FAM171A1: variants seen among roughly 807,000 people sequenced by gnomAD.
The protein encoded by FAM171A1 is protein FAM171A1.
Under a neutral mutation model 74.9 loss-of-function variants are expected in FAM171A1, and 23 were observed. The observed-to-expected ratio is 0.31, with a 90% CI of 0.22 to 0.44. The LOEUF is 0.44. Among genes scored for constraint, FAM171A1 ranks in the 20% least tolerant of loss-of-function variants. The pLI is 1.00. For missense variants in FAM171A1, 1,162 were observed against 1,159.2 expected (o/e 1.00, Z -0.03); for synonymous variants, 527 against 505.7 (o/e 1.04, Z -0.57).
At chr10:15,351,584 G>GATGGATGGATGC (rs1354804874) in intron 1 of FAM171A1, among the ~76,000 whole-genome samples, 5 of 151,132 alleles carry the variant, frequency 3.3e-5, no homozygotes, top group Admixed American at 2.0e-4. Flanking sequence ...TGGATGGATG[G>GATGGATGGATGC]ATGGATGGAT....
intron 4 of FAM171A1, among the ~76,000 whole-genome samples, chr10:15,252,116 G>C (rs1834516573): frequency 6.6e-6 from 1 of 152,184 alleles, no homozygotes; most frequent in Non-Finnish European, 1.5e-5. Context: ...ATTAGTGAAA[G>C]CAATTTTTGT....
Position 15,221,403 on chromosome 10 carries a change from G to C in FAM171A1, c.755-343C>G, listed in dbSNP as rs548203055. Among the ~76,000 whole-genome samples, 19 of 152,306 alleles carry C rather than the reference G, an allele frequency of 1.2e-4. No homozygotes were observed. In the South Asian group the frequency reaches 3.9e-3, roughly 32 times the overall value. On this transcript the variant is annotated intron_variant, in intron 5 of 7. Transcript: ENST00000378116. ...TACAGGCAGCATGATGGGGGCTGGT[G>C]GGAGTGAAAAGAGAGGGGGAAATCC...
In FAM171A1 at chr10:15,213,801, T is replaced by C. The variant is rs763189702; in HGVS notation, c.1787A>G (p.Tyr596Cys). 8.2e-5 allele frequency: 132 copies of C among 1,613,944 alleles called. No individual in the cohort carries two copies. The highest frequency in any genetic ancestry group is 1.0e-4 in the Non-Finnish European group (118 of 1,180,008). The change falls in exon 8 of 8, where the codon TAT becomes TGT. Residue 596 changes from tyrosine to cysteine, a missense_variant. Physicochemically the swap from Tyr to Cys is radical, Grantham distance 194 (BLOSUM62 -2). Transcript: ENST00000378116. This position sits in a 1 kb window ranked among gnomAD's most constrained non-coding sequence, Gnocchi z 6.8. Reference protein sequence around the residue: ...HYMKLPGDHSYVSQPLVVPAD... With the variant: ...HYMKLPGDHSCVSQPLVVPAD... ...CGGGACGACGAGGGGCTGGCTGACA[T>C]AGGAGTGGTCCCCGGGGAGTTTCAT... is the stretch of plus-strand genomic sequence containing the variant.
chr10:15,224,155 A>T (rs1451756834), intron 5 of FAM171A1, among the ~76,000 whole-genome samples: 1 of 152,098 alleles, frequency 6.6e-6, no homozygotes, highest in Non-Finnish European at 1.5e-5. Flanking sequence ...TTTAGTTTTG[A>T]TGAACAGGCA....
At chr10:15,245,856 G>A (rs1431934480) in intron 5 of FAM171A1, among the ~76,000 whole-genome samples, 7 of 152,222 alleles carry the variant, frequency 4.6e-5, no homozygotes, top group African/African-American at 9.6e-5. Flanking sequence ...CCCAAGGTGG[G>A]ACTCACAGTT....
At chr10:15,231,528 C>T (rs905206956) in intron 5 of FAM171A1, among the ~76,000 whole-genome samples, 5 of 151,592 alleles carry the variant, frequency 3.3e-5, no homozygotes, top group African/African-American at 1.2e-4. Flanking sequence ...TAACGAGCTC[C>T]GGGTGATGCA....
rs11259622 is a variant in FAM171A1 at position 15,363,843 on chromosome 10, T to G, written c.97+7113A>C. On this transcript the variant is annotated intron_variant, in intron 1 of 7. Transcript: ENST00000378116. ...GCAAGCAACTCCTCCCTCCCTCTAT[T>G]CCCCAACAGATGCAGTGGCAAGGCT... Among the ~76,000 whole-genome samples the G allele has an allele frequency of 4.0e-3, 612 of 152,238 alleles. 1 individual carries two copies. The highest frequency in any genetic ancestry group is 0.014 in the African/African-American group (584 of 41,530).
chr10:15,307,455 G>C (rs1394647087), intron 1 of FAM171A1, among the ~76,000 whole-genome samples: 1 of 151,898 alleles, frequency 6.6e-6, no homozygotes, highest in Non-Finnish European at 1.5e-5. Flanking sequence ...GACCAGCCTG[G>C]CCAACATGGT....
intron 3 of FAM171A1, among the ~76,000 whole-genome samples, chr10:15,272,944 G>A (rs1013438344): frequency 6.6e-6 from 1 of 152,264 alleles, no homozygotes; most frequent in East Asian, 1.9e-4. Flanking sequence ...AAACAGGAAA[G>A]ATCTAAAATT....
At chr10:15,262,456 G>T (rs1299976918) in intron 3 of FAM171A1, among the ~76,000 whole-genome samples, 1 of 152,206 alleles carries the variant, frequency 6.6e-6, no homozygotes, top group Non-Finnish European at 1.5e-5. Context: ...GAGAGGGCCA[G>T]AGAAAGGATG....
At chr10:15,302,452 C>T (rs540129462) in intron 1 of FAM171A1, among the ~76,000 whole-genome samples, 24 of 145,494 alleles carry the variant, frequency 1.6e-4, no homozygotes, top group Non-Finnish European at 3.0e-4. Context: ...GCAACAAGAG[C>T]GAAACTCCAT....
In FAM171A1 at chr10:15,367,609, T is replaced by G. The variant is rs375935346; in HGVS notation, c.97+3347A>C. On this transcript the variant is annotated intron_variant, in intron 1 of 7. Coordinates refer to ENST00000378116, the MANE Select transcript of FAM171A1 (RefSeq NM_001010924.2). ...CCTGATACCTTACATGGCTTCGTGG[T>G]CTTTCAACAGATCCCAGTGTTCTAA... is the stretch of plus-strand genomic sequence containing the variant. Among the ~76,000 whole-genome samples, 57 of 152,358 alleles carry G rather than the reference T, an allele frequency of 3.7e-4. 1 individual carries two copies. Among genetic ancestry groups the G allele is most frequent in the African/African-American group, 1.2e-3 (51 of 41,590 alleles).
intron 1 of FAM171A1, among the ~76,000 whole-genome samples, chr10:15,285,736 G>A (rs1835027935): frequency 6.6e-6 from 1 of 152,208 alleles, no homozygotes; most frequent in East Asian, 1.9e-4. Flanking sequence ...ATAGGAAGGT[G>A]GGGAAAGGAC....
intron 2 of FAM171A1, among the ~76,000 whole-genome samples, chr10:15,283,516 C>T (rs1381376363): frequency 6.6e-6 from 1 of 152,172 alleles, no homozygotes; most frequent in Non-Finnish European, 1.5e-5. Flanking sequence ...GGCGTTTGCT[C>T]GTTAAAATGC....
intron 5 of FAM171A1, 56 bp downstream of exon 5, chr10:15,248,583 C>G: frequency 6.6e-7 from 1 of 1,520,938 alleles, no homozygotes; most frequent in East Asian, 2.3e-5. Context: ...AGAAGGAAAA[C>G]CAAACAGTAA....
intron 3 of FAM171A1, among the ~76,000 whole-genome samples, chr10:15,269,448 C>G (rs1335116905): frequency 6.6e-6 from 1 of 152,070 alleles, no homozygotes; most frequent in Non-Finnish European, 1.5e-5. Flanking sequence ...ATAGTATGCT[C>G]TTAGCACAGA....
intron 1 of FAM171A1, among the ~76,000 whole-genome samples, chr10:15,363,768 C>A (rs1364030525): frequency 6.6e-6 from 1 of 152,108 alleles, no homozygotes; most frequent in Non-Finnish European, 1.5e-5. Context: ...TCTTTGGGGC[C>A]CACTGAACTG....
Position 15,214,362 on chromosome 10 carries a change from T to G in FAM171A1, c.1226A>C (p.Asp409Ala), listed in dbSNP as rs1332156982. The G allele has an allele frequency of 6.2e-7, 1 of 1,612,990 alleles. No homozygotes were observed. The highest frequency in any genetic ancestry group is 1.3e-5 in the African/African-American group (1 of 74,972). ...LEMMSPGGEG[D>A]LHTPMLKLSY... ...GAGCTTGAGCATGGGGGTGTGCAGG[T>G]CCCCTTCGCCGCCCGGAGACATCAT... Residue 409 changes from aspartate (D) to alanine (A), a missense_variant, in exon 8 of 8, where the codon GAC becomes GCC. Physicochemically the swap from Asp to Ala is moderately radical, Grantham distance 126. Coordinates refer to ENST00000378116, the MANE Select transcript of FAM171A1 (RefSeq NM_001010924.2).
chr10:15,248,694 C>T lies in FAM171A1; in HGVS notation c.699G>A (p.Gln233=). The change falls in exon 5 of 8, where the codon CAG becomes CAA. Residue 233 remains glutamine, a synonymous_variant. Coordinates refer to ENST00000378116, the MANE Select transcript of FAM171A1 (RefSeq NM_001010924.2). ...PIYVTVPLAT[Q]SSLRHNAYVA... ...CATAGGCATTGTGCCTCAGGCTGCTCTGCGTGGCCAGGGGCACAGTGACAT... is the reference window on the plus strand; with the variant it reads ...CATAGGCATTGTGCCTCAGGCTGCTTTGCGTGGCCAGGGGCACAGTGACAT... 6.2e-7 allele frequency: 1 copy of T among 1,613,302 alleles called. No homozygotes were observed. Among genetic ancestry groups the T allele is most frequent in the Non-Finnish European group, 8.5e-7 (1 of 1,179,626 alleles).
Sources: gnomAD v4.1 joint callset for allele counts (sites outside exome capture counted in the v4.1 genomes callset) on GRCh38, gnomAD v4.1.1 for gene constraint, Gnocchi (gnomAD v3.1) non-coding constraint, MANE v1.5 for transcripts, NCBI Gene and HGNC (gene_info 2026-07-23, HGNC 2026-07-21) for gene names.